Variants in UNC5B observed in about 807,000 individuals in gnomAD.
UNC5B encodes unc-5 netrin receptor B.
In UNC5B, 56 loss-of-function variants were observed where a neutral mutation model predicts 103.7. That is an observed-to-expected ratio of 0.54 (90% CI 0.44 to 0.67). The LOEUF is 0.67. Among genes scored for constraint, UNC5B ranks in the 30% least tolerant of loss-of-function variants. The pLI, the probability that UNC5B is intolerant of heterozygous loss-of-function variation, is 0.00. For synonymous variants in UNC5B, 577 were observed against 542.0 expected, an observed-to-expected ratio of 1.06 and a Z score of -0.90; for missense variants, 1,194 against 1,284.5, an observed-to-expected ratio of 0.93 and a Z score of 1.08.
intron 1 of UNC5B, among the ~76,000 whole-genome samples, chr10:71,258,234 T>C (rs1422650737): frequency 3.9e-5 from 6 of 152,248 alleles, no homozygotes; most frequent in Non-Finnish European, 8.8e-5. Flanking sequence ...GTTCCCTCAC[T>C]CTCTAGTGCC....
intron 1 of UNC5B, among the ~76,000 whole-genome samples, chr10:71,251,769 G>T (rs1313731112): frequency 2.0e-5 from 3 of 152,200 alleles, no homozygotes; most frequent in Non-Finnish European, 1.5e-5. Flanking sequence ...TCCTGTGAGA[G>T]TCTCAGTGCC....
rs375463203 is a variant in UNC5B at position 71,258,197 on chromosome 10, G to A, written c.80-21624G>A. ...ATCGATGCCGAGACTCTATCCTGCGGATGTTGGGCTCTTTCCACTGAGTAA... is the reference window on the plus strand; with the variant it reads ...ATCGATGCCGAGACTCTATCCTGCGAATGTTGGGCTCTTTCCACTGAGTAA... On this transcript the variant is annotated intron_variant, in intron 1 of 16. Coordinates refer to ENST00000335350, the MANE Select transcript of UNC5B (RefSeq NM_170744.5). Among the ~76,000 whole-genome samples, 13 of 152,338 alleles carry A rather than the reference G, an allele frequency of 8.5e-5. No homozygotes were observed. The East Asian group carries it at 2.5e-3, about 29-fold the overall frequency.
intron 1 of UNC5B, among the ~76,000 whole-genome samples, chr10:71,227,703 CATAT>C (rs1382854607): frequency 2.7e-5 from 3 of 111,486 alleles, no homozygotes; most frequent in African/African-American, 3.9e-5. Context: ...TATATACACA[CATAT>C]ACACACACAC....
chr10:71,265,253 G>A (rs1192094248), intron 1 of UNC5B, among the ~76,000 whole-genome samples: 2 of 152,184 alleles, frequency 1.3e-5, no homozygotes, highest in Admixed American at 1.3e-4. Flanking sequence ...GGTACTAAAG[G>A]GAAAGGTGGT....
chr10:71,275,155 T>G lies in UNC5B; in HGVS notation c.80-4666T>G, dbSNP rs1589185325. Among the ~76,000 whole-genome samples the G allele has an allele frequency of 2.0e-5, 3 of 152,350 alleles. 1 individual carries two copies. Among genetic ancestry groups the G allele is most frequent in the African/African-American group, 7.2e-5 (3 of 41,572 alleles). ...CATTACATCTGTGCAGGGATGTGTCTTCTTTCATAGCTTCTTGGCGGGATA... is the reference window on the plus strand; with the variant it reads ...CATTACATCTGTGCAGGGATGTGTCGTCTTTCATAGCTTCTTGGCGGGATA... On this transcript the variant is annotated intron_variant, in intron 1 of 16. Transcript: ENST00000335350.
rs142828715 is a variant in UNC5B, at chr10:71,291,814, C to T, written c.1677C>T (p.Pro559=). The change falls in exon 10 of 17, where the codon CCC becomes CCT. Residue 559 remains proline (P), a synonymous_variant. Transcript: ENST00000335350. ...FGCLGGRLSI[P]GTGVSLLVPN... ...GCCTGGGTGGGAGGCTCAGCATCCCCGGCACAGGTGAGCCCCTGCCCTGCT... is the reference window on the plus strand; with the variant it reads ...GCCTGGGTGGGAGGCTCAGCATCCCTGGCACAGGTGAGCCCCTGCCCTGCT... The T allele has an allele frequency of 1.8e-5, 28 of 1,594,944 alleles. No homozygotes were observed. The highest frequency in any genetic ancestry group is 9.4e-5 in the African/African-American group (7 of 74,838).
intron 1 of UNC5B, among the ~76,000 whole-genome samples, chr10:71,270,786 T>C (rs1175360144): frequency 6.6e-6 from 1 of 152,096 alleles, no homozygotes; most frequent in African/African-American, 2.4e-5. Context: ...GAGTCTAAGA[T>C]TGCAGCTCAA....
In UNC5B at chr10:71,296,663, C is replaced by T; in HGVS notation, c.2411C>T (p.Thr804Ile). The change falls in exon 15 of 17, where the codon ACA becomes ATA. Residue 804 changes from threonine to isoleucine, a missense_variant. Transcript: ENST00000335350. Reference sequence around the variant, plus strand: ...CTGGAGAGGCACAGCTTGGCCTCCACAGAGCTCACCTGCAAGATCTGCGTG... The same window carrying T: ...CTGGAGAGGCACAGCTTGGCCTCCATAGAGCTCACCTGCAAGATCTGCGTG... ...FTLERHSLAS[T>I]ELTCKICVRQ... 6.2e-7 allele frequency: 1 copy of T among 1,614,066 alleles called. No individual in the cohort carries two copies. The highest frequency in any genetic ancestry group is 1.1e-5 in the South Asian group (1 of 91,086).
rs113129554 is a variant in UNC5B at position 71,231,648 on chromosome 10, G to GT, written c.79+18596dup. ...ACAATCGTACGTAAAAATCTTAAGAGTTTTTTTTTTTTAATGCACATGCCT... is the reference window on the plus strand; with the variant it reads ...ACAATCGTACGTAAAAATCTTAAGAGTTTTTTTTTTTTTAATGCACATGCCT... On this transcript the variant is annotated intron_variant, in intron 1 of 16. Coordinates refer to ENST00000335350, the MANE Select transcript of UNC5B (RefSeq NM_170744.5). Among the ~76,000 whole-genome samples, 531 of 146,718 alleles carry GT rather than the reference G, an allele frequency of 3.6e-3. 1 individual carries two copies. The highest frequency in any genetic ancestry group is 3.7e-3 in the Admixed American group (54 of 14,648).
chr10:71,293,670 C>A (rs1288256951), intron 12 of UNC5B, 30 bp from the exon 13 acceptor site: 1 of 1,599,018 alleles, frequency 6.3e-7, no homozygotes, highest in Admixed American at 1.7e-5. Flanking sequence ...ATAACTGTGA[C>A]CACTACCCCA....
chr10:71,225,197 A>C (rs780456999), intron 1 of UNC5B, among the ~76,000 whole-genome samples: 21 of 152,378 alleles, frequency 1.4e-4, no homozygotes, highest in Middle Eastern at 3.4e-3. Flanking sequence ...GAACAAAAGA[A>C]GTTGAATGCC....
intron 1 of UNC5B, among the ~76,000 whole-genome samples, chr10:71,272,844 C>A (rs1223207005): frequency 2.0e-5 from 3 of 151,952 alleles, no homozygotes; most frequent in African/African-American, 7.2e-5. Context: ...AGAACAGCTC[C>A]TGCCTGCTGC....
chr10:71,264,713 T>G (rs1244856463), intron 1 of UNC5B, among the ~76,000 whole-genome samples: 1 of 152,126 alleles, frequency 6.6e-6, no homozygotes, highest in Non-Finnish European at 1.5e-5. Flanking sequence ...CTTAGAAATG[T>G]ACATTCTCAA....
intron 1 of UNC5B, among the ~76,000 whole-genome samples, chr10:71,251,041 A>G (rs541397449): frequency 1.3e-3 from 193 of 152,348 alleles, no homozygotes; most frequent in Non-Finnish European, 2.2e-3. Context: ...AGTTGGGTCA[A>G]TTAGTGATGT....
intron 1 of UNC5B, among the ~76,000 whole-genome samples, chr10:71,267,952 C>G: frequency 6.6e-6 from 1 of 152,218 alleles, no homozygotes; most frequent in East Asian, 1.9e-4. Context: ...TGATCTGAGG[C>G]AAGTTACTAC....
At chr10:71,298,853 A>T (rs1467841255) in intron 16 of UNC5B, among the ~76,000 whole-genome samples, 1 of 152,232 alleles carries the variant, frequency 6.6e-6, no homozygotes, top group East Asian at 1.9e-4. Flanking sequence ...CTAGACCCTT[A>T]CTTTATATGA....
At chr10:71,290,204 T>C (rs1220047081) in intron 8 of UNC5B, among the ~76,000 whole-genome samples, 1 of 152,222 alleles carries the variant, frequency 6.6e-6, no homozygotes, top group Admixed American at 6.5e-5. Context: ...AGTGCAGCCA[T>C]AGGATTTTCT....
Position 71,289,010 on chromosome 10 carries a change from T to A in UNC5B, c.1099+20T>A. The A allele has an allele frequency of 1.2e-6, 2 of 1,614,230 alleles. No homozygotes were observed. Among genetic ancestry groups the A allele is most frequent in the Non-Finnish European group, 1.7e-6 (2 of 1,180,038 alleles). ...GCCACCGTAAGTCCCATTTCATGGCTGTCCTCTTTCCTCTGGGGGATCCCT... is the reference window on the plus strand; with the variant it reads ...GCCACCGTAAGTCCCATTTCATGGCAGTCCTCTTTCCTCTGGGGGATCCCT... On this transcript the variant is annotated intron_variant, in intron 8 of 16. Coordinates refer to ENST00000335350, the MANE Select transcript of UNC5B (RefSeq NM_170744.5).
At chr10:71,234,128 T>C (rs56767586) in intron 1 of UNC5B, among the ~76,000 whole-genome samples, 12,163 of 152,174 alleles carry the variant, frequency 0.08, 1,485 homozygotes, top group African/African-American at 0.27. Flanking sequence ...TCTTCCTCAT[T>C]TTATAGATGA....
Sources: gnomAD v4.1 joint callset for allele counts (sites outside exome capture counted in the v4.1 genomes callset) on GRCh38, gnomAD v4.1.1 for gene constraint, MANE v1.5 for transcripts, NCBI Gene and HGNC (gene_info 2026-07-23, HGNC 2026-07-21) for gene names.